Variants in RIGI observed in about 807,000 individuals in gnomAD.
RIGI encodes the protein antiviral innate immune response receptor RIG-I.
At chr9:32,513,179 C>A in the RIGI span, among the ~76,000 whole-genome samples, 1 of 151,976 alleles carries the variant, frequency 6.6e-6, no homozygotes, top group Non-Finnish European at 1.5e-5. Flanking sequence ...CCATCCCCAT[C>A]AAGCTACCAA....
chr9:32,516,521 C>T, the RIGI span, among the ~76,000 whole-genome samples: 2 of 152,148 alleles, frequency 1.3e-5, no homozygotes, highest in African/African-American at 4.8e-5. Context: ...TCTCTCTGGC[C>T]CTGCTGCTGC....
chr9:32,457,412 G>A, the RIGI span: 1 of 1,612,192 alleles, frequency 6.2e-7, no homozygotes, highest in Admixed American at 1.7e-5. Context: ...ACAGTGTAAT[G>A]GCATTCCTAC....
At chr9:32,487,872 GC>G in the RIGI span, 1 of 1,526,800 alleles carries the variant, frequency 6.5e-7, no homozygotes. Flanking sequence ...CTTCAGTGTG[GC>G]CATAAGAGTA....
chr9:32,466,146 C>A, the RIGI span: 1 of 814,792 alleles, frequency 1.2e-6, no homozygotes, highest in Non-Finnish European at 1.9e-6. Context: ...CATTTAAAAA[C>A]AGAATGAATT....
At chr9:32,491,389 C>T in the RIGI span, 1 of 1,611,520 alleles carries the variant, frequency 6.2e-7, no homozygotes, top group East Asian at 2.2e-5. Context: ...CCATCTTATC[C>T]TCAAGATCTT....
the RIGI span, among the ~76,000 whole-genome samples, chr9:32,469,857 A>C: frequency 6.7e-6 from 1 of 149,014 alleles, no homozygotes; most frequent in Non-Finnish European, 1.5e-5. Flanking sequence ...TATTAGTAGA[A>C]TCACCTGATC....
chr9:32,484,573 C>T, the RIGI span, among the ~76,000 whole-genome samples: 5 of 152,294 alleles, frequency 3.3e-5, no homozygotes, highest in East Asian at 7.7e-4. Context: ...TCCGTTTAGC[C>T]ATTCAATCAT....
At chr9:32,462,558 G>A in the RIGI span, among the ~76,000 whole-genome samples, 24 of 151,978 alleles carry the variant, frequency 1.6e-4, no homozygotes, top group Non-Finnish European at 3.1e-4. Flanking sequence ...ACAGGCAGGT[G>A]CCACCACATC....
chr9:32,524,706 G>A, the RIGI span, among the ~76,000 whole-genome samples: 2 of 143,634 alleles, frequency 1.4e-5, no homozygotes. Flanking sequence ...TGGTTCAAGC[G>A]ATTTTCATTC....
At chr9:32,492,517 T>C in the RIGI span, 20 of 1,614,212 alleles carry the variant, frequency 1.2e-5, 1 homozygote, top group South Asian at 2.1e-4. Context: ...GCACCTGCCA[T>C]CATCCCCTTA....
At chr9:32,459,420 C>G in the RIGI span, 1 of 1,613,758 alleles carries the variant, frequency 6.2e-7, no homozygotes, top group Non-Finnish European at 8.5e-7. Context: ...TTTGCACTTT[C>G]TGCAGAGCAG....
chr9:32,524,404 G>A, the RIGI span, among the ~76,000 whole-genome samples: 1 of 151,966 alleles, frequency 6.6e-6, no homozygotes, highest in Non-Finnish European at 1.5e-5. Flanking sequence ...TACTTCTTCA[G>A]GTGCCAAGCT....
At chr9:32,482,254 GTACCT>G in the RIGI span, among the ~76,000 whole-genome samples, 1 of 151,918 alleles carries the variant, frequency 6.6e-6, no homozygotes, top group Non-Finnish European at 1.5e-5. Context: ...AAGAATCAAA[GTACCT>G]TACATTCATA....
chr9:32,489,506 G>T, the RIGI span: 1 of 1,111,984 alleles, frequency 9.0e-7, no homozygotes, highest in Non-Finnish European at 1.4e-6. Flanking sequence ...AGGAATCACG[G>T]CAATAGCTAC....
the RIGI span, chr9:32,481,605 A>G: frequency 7.3e-6 from 6 of 821,394 alleles, no homozygotes; most frequent in South Asian, 1.1e-4. Flanking sequence ...TTTTTCCTCG[A>G]GGCAGAGTCT....
chr9:32,493,516 C>T, the RIGI span, among the ~76,000 whole-genome samples: 3 of 92,804 alleles, frequency 3.2e-5, no homozygotes, highest in East Asian at 2.3e-4. Flanking sequence ...CCCAGCTACT[C>T]GAGAGGCGAG....
the RIGI span, among the ~76,000 whole-genome samples, chr9:32,499,156 C>A: frequency 6.6e-6 from 1 of 151,846 alleles, no homozygotes; most frequent in East Asian, 1.9e-4. Flanking sequence ...ATTCACTTTT[C>A]ATTCTTCGTA....
At chr9:32,476,646 CTT>C in the RIGI span, among the ~76,000 whole-genome samples, 52 of 138,456 alleles carry the variant, frequency 3.8e-4, no homozygotes, top group Admixed American at 3.6e-4. Context: ...GAGAAAACGG[CTT>C]TTTTTTTTTT....
chr9:32,470,671 C>CT, the RIGI span, among the ~76,000 whole-genome samples: 2 of 152,128 alleles, frequency 1.3e-5, no homozygotes, highest in Non-Finnish European at 2.9e-5. Flanking sequence ...GTTAGGTAAC[C>CT]TGCTTCTTCA....
Sources: allele counts gnomAD v4.1 joint callset (sites outside exome capture counted in the v4.1 genomes callset), GRCh38; gene constraint gnomAD v4.1.1; transcripts MANE v1.5; gene names NCBI Gene and HGNC (gene_info 2026-07-23, HGNC 2026-07-21).